The following CDH8 variants were observed in gnomAD, a reference collection of about 807,000 sequenced individuals.
The protein encoded by CDH8 is cadherin-8.
A neutral mutation model predicts 68.1 loss-of-function variants in CDH8; 17 were observed. The ratio of observed to expected loss-of-function variants is 0.25; its 90% CI spans 0.17 to 0.37. The LOEUF is 0.37. Ranked by LOEUF, CDH8 falls within the 10% of genes least tolerant of loss-of-function variation. The probability of loss-of-function intolerance (pLI) is 1.00; values close to 1 mark genes in which losing one functional copy is unlikely to be tolerated. For synonymous variants in CDH8, 372 were observed against 365.1 expected (o/e 1.02, Z -0.21); for missense variants, 763 against 999.3 (o/e 0.76, Z 3.19).
chr16:61,958,557 G>A (rs905314151), intron 2 of CDH8, among the ~76,000 whole-genome samples: 1 of 152,110 alleles, frequency 6.6e-6, no homozygotes, highest in African/African-American at 2.4e-5. Flanking sequence ...AAATATAAAG[G>A]TTAGAAGGGT....
At chr16:62,033,531 A>T (rs920671301) in intron 1 of CDH8, among the ~76,000 whole-genome samples, 4 of 152,224 alleles carry the variant, frequency 2.6e-5, no homozygotes, top group Non-Finnish European at 5.9e-5. Context: ...AGGCTTTAAG[A>T]GACTGTAAAT....
intron 2 of CDH8, among the ~76,000 whole-genome samples, chr16:62,001,710 G>A (rs915020743): frequency 6.6e-6 from 1 of 152,010 alleles, no homozygotes; most frequent in Non-Finnish European, 1.5e-5. Context: ...TAGGGTACAG[G>A]CGCACAACAT....
intron 2 of CDH8, among the ~76,000 whole-genome samples, chr16:61,953,871 TGTCTCAAAAAGAAAAA>T (rs1278604259): frequency 7.7e-6 from 1 of 130,556 alleles, no homozygotes; most frequent in Non-Finnish European, 1.6e-5. Context: ...AGTGAGACTC[TGTCTCAAAAAGAAAAA>T]AAAAACTTTA....
intron 8 of CDH8, among the ~76,000 whole-genome samples, chr16:61,733,449 A>G (rs1036359693): frequency 6.6e-6 from 1 of 151,878 alleles, no homozygotes; most frequent in African/African-American, 2.4e-5. Flanking sequence ...TTGAGATTTG[A>G]CACTAAAATA....
intron 2 of CDH8, among the ~76,000 whole-genome samples, chr16:61,962,839 C>T (rs1344857038): frequency 6.6e-6 from 1 of 152,092 alleles, no homozygotes; most frequent in Non-Finnish European, 1.5e-5. Context: ...ATTTATGTTA[C>T]TATGCATATA....
chr16:61,983,581 T>G (rs187073649), intron 2 of CDH8, among the ~76,000 whole-genome samples: 108 of 152,356 alleles, frequency 7.1e-4, no homozygotes, highest in Admixed American at 6.8e-3. Flanking sequence ...AAGAATTCAC[T>G]TTATACGGCA....
At chr16:61,884,652 G>C (rs1005305193) in intron 3 of CDH8, among the ~76,000 whole-genome samples, 7 of 152,146 alleles carry the variant, frequency 4.6e-5, no homozygotes, top group Non-Finnish European at 8.8e-5. Flanking sequence ...GGGATTACAG[G>C]CGTGAGCCAC....
At chr16:61,759,487 G>C (rs1301870392) in intron 8 of CDH8, among the ~76,000 whole-genome samples, 2 of 152,044 alleles carry the variant, frequency 1.3e-5, no homozygotes, top group African/African-American at 2.4e-5. Context: ...ACAGAACCAA[G>C]AGCCATGTGT....
intron 2 of CDH8, among the ~76,000 whole-genome samples, chr16:61,930,024 C>T (rs1459848179): frequency 1.3e-5 from 2 of 152,108 alleles, no homozygotes; most frequent in Non-Finnish European, 2.9e-5. Flanking sequence ...TTCTATGACT[C>T]TGTTCCATAA....
intron 2 of CDH8, among the ~76,000 whole-genome samples, chr16:61,916,648 T>C (rs1964243719): frequency 6.6e-6 from 1 of 152,220 alleles, no homozygotes; most frequent in Non-Finnish European, 1.5e-5. Flanking sequence ...TAGTTTTATT[T>C]GCAATGAAAA....
At position 61,768,314 on chromosome 16, in the gene CDH8, T is replaced by TTCTCTCTCTCTCTCTCTCTCTCTCTC. The variant is rs1206629963; in HGVS notation, c.1414+21006_1414+21031dup. ...AGGCTCTCTCTCTGTGTCTCTCCCT[T>TTCTCTCTCTCTCTCTCTCTCTCTCTC]TCTCTCTCTCTCTCTCTCTCTCTCT... On this transcript the variant is annotated intron_variant, in intron 8 of 11. Transcript: ENST00000577390. Among the ~76,000 whole-genome samples the TTCTCTCTCTCTCTCTCTCTCTCTCTC allele has an allele frequency of 2.3e-4, 4 of 17,206 alleles. 1 individual carries two copies. The highest frequency in any genetic ancestry group is 2.2e-4 in the Non-Finnish European group (2 of 8,970). 11.3% of individuals were successfully genotyped at this position (17,206 alleles called of 152,430 possible).
intron 2 of CDH8, among the ~76,000 whole-genome samples, chr16:61,914,171 A>C (rs62052033): frequency 0.16 from 23,952 of 152,128 alleles, 2,098 homozygotes; most frequent in Middle Eastern, 0.25. Context: ...GGAAAATAAC[A>C]AATCTGCTGA....
intron 1 of CDH8, among the ~76,000 whole-genome samples, chr16:62,032,223 A>C (rs186190551): frequency 6.6e-6 from 1 of 152,304 alleles, no homozygotes; most frequent in East Asian, 1.9e-4. Flanking sequence ...CAAATCAAAT[A>C]ATCTAAGGCA....
At chr16:61,970,451 T>C (rs112746066) in intron 2 of CDH8, among the ~76,000 whole-genome samples, 7 of 152,262 alleles carry the variant, frequency 4.6e-5, no homozygotes, top group African/African-American at 7.2e-5. Context: ...TTTGACAATG[T>C]ATATGTGTAT....
chr16:61,934,321 G>C (rs1964593372), intron 2 of CDH8: 2 of 150,270 alleles, frequency 1.3e-5, no homozygotes, highest in African/African-American at 5.0e-5. Flanking sequence ...CTCCTAATAA[G>C]CATAGCTTAT....
chr16:61,967,413 G>A (rs1965269751), intron 2 of CDH8, among the ~76,000 whole-genome samples: 2 of 152,056 alleles, frequency 1.3e-5, no homozygotes, highest in Admixed American at 1.3e-4. Context: ...TCTCATGCTG[G>A]GATTAAAATA....
intron 3 of CDH8, among the ~76,000 whole-genome samples, chr16:61,893,733 C>G (rs184414998): frequency 6.6e-6 from 1 of 152,124 alleles, no homozygotes; most frequent in East Asian, 1.9e-4. Context: ...AAGGACACAT[C>G]GTGACCAAGT....
At chr16:61,899,048 A>G (rs1197538307) in intron 3 of CDH8, among the ~76,000 whole-genome samples, 2 of 152,070 alleles carry the variant, frequency 1.3e-5, no homozygotes, top group Non-Finnish European at 2.9e-5. Context: ...TTACATAGGT[A>G]TGCACGTGCC....
intron 2 of CDH8, among the ~76,000 whole-genome samples, chr16:61,919,392 A>C (rs1371995003): frequency 6.8e-6 from 1 of 147,254 alleles, no homozygotes; most frequent in African/African-American, 2.5e-5. Flanking sequence ...ATTCAAACCA[A>C]AGGCAAAGAA....
Sources: gnomAD v4.1 joint callset for allele counts (sites outside exome capture counted in the v4.1 genomes callset) on GRCh38, gnomAD v4.1.1 for gene constraint, MANE v1.5 for transcripts, NCBI Gene and HGNC (gene_info 2026-07-23, HGNC 2026-07-21) for gene names.